The following CACNA2D3 variants were observed in gnomAD, a reference collection of about 807,000 sequenced individuals.
CACNA2D3 encodes the protein calcium voltage-gated channel auxiliary subunit alpha2delta 3.
CACNA2D3 carries 60 observed loss-of-function variants against 160.6 expected under a neutral mutation model. The observed-to-expected ratio is 0.37, with a 90% CI of 0.30 to 0.46. CACNA2D3 has a LOEUF of 0.46. Ranked by LOEUF, CACNA2D3 falls within the 20% of genes least tolerant of loss-of-function variation. The probability of loss-of-function intolerance (pLI) is 1.00; values close to 1 mark genes in which losing one functional copy is unlikely to be tolerated. For missense variants in CACNA2D3, 1,205 were observed against 1,365.0 expected (o/e 0.88, Z 1.85); for synonymous variants, 558 against 492.9 (o/e 1.13, Z -1.75).
chr3:54,862,819 G>T (rs139843004), intron 17 of CACNA2D3, among the ~76,000 whole-genome samples: 2 of 152,160 alleles, frequency 1.3e-5, no homozygotes, highest in Non-Finnish European at 1.5e-5. Flanking sequence ...ACATTTTGTA[G>T]TGTTGATGGA....
At chr3:54,260,614 C>T (rs1305995128) in intron 2 of CACNA2D3, among the ~76,000 whole-genome samples, 1 of 152,252 alleles carries the variant, frequency 6.6e-6, no homozygotes, top group Non-Finnish European at 1.5e-5. Flanking sequence ...ATTTCCAACA[C>T]ATGAGCTTCG....
At chr3:54,380,487 C>T (rs754344754) in intron 3 of CACNA2D3, among the ~76,000 whole-genome samples, 1 of 152,202 alleles carries the variant, frequency 6.6e-6, no homozygotes, top group Non-Finnish European at 1.5e-5. Context: ...ATCTGTGATC[C>T]CAGCACTTTG....
intron 31 of CACNA2D3, among the ~76,000 whole-genome samples, chr3:54,995,981 C>CCTGT (rs1702848561): frequency 6.6e-6 from 1 of 152,228 alleles, no homozygotes; most frequent in Admixed American, 6.5e-5. Context: ...CTTCTAACCA[C>CCTGT]CTGTCCGTGT....
intron 27 of CACNA2D3, chr3:54,927,862 T>C (rs1701068970): frequency 9.3e-6 from 15 of 1,610,282 alleles, no homozygotes; most frequent in Non-Finnish European, 1.3e-5. Flanking sequence ...ACCATCTTTC[T>C]CCCAGACAAG....
At chr3:54,509,336 C>T (rs972360958) in intron 5 of CACNA2D3, among the ~76,000 whole-genome samples, 6 of 151,978 alleles carry the variant, frequency 3.9e-5, no homozygotes, top group Non-Finnish European at 8.8e-5. Context: ...AGAGAGAGCA[C>T]ACGCACATAA....
chr3:54,832,031 A>G (rs1275606123), intron 14 of CACNA2D3, among the ~76,000 whole-genome samples: 2 of 148,698 alleles, frequency 1.3e-5, no homozygotes, highest in African/African-American at 5.0e-5. Flanking sequence ...ACACACACAC[A>G]CACACACACA....
chr3:54,981,813 C>A (rs567819579), intron 29 of CACNA2D3, among the ~76,000 whole-genome samples: 1 of 152,238 alleles, frequency 6.6e-6, no homozygotes, highest in African/African-American at 2.4e-5. Context: ...CTTGCCCCCC[C>A]ATTGGGTCCC....
chr3:54,788,925 A>G lies in CACNA2D3; in HGVS notation c.1380+24574A>G, dbSNP rs116630848. 4.3e-3 allele frequency among the ~76,000 whole-genome samples: 649 copies of G among 152,310 alleles called. 7 individuals carry two copies. The highest frequency in any genetic ancestry group is 0.015 in the African/African-American group (616 of 41,570). ...CAGAAATTCTTAGTACCTGGTATGT[A>G]GGAGACATTTAATAAGTTTTGTTGA... On this transcript the variant is annotated intron_variant, in intron 13 of 37. Transcript: ENST00000474759.
intron 6 of CACNA2D3, among the ~76,000 whole-genome samples, chr3:54,567,816 C>T (rs935857922): frequency 1.3e-5 from 2 of 152,200 alleles, no homozygotes; most frequent in Admixed American, 1.3e-4. Flanking sequence ...AGGCGTGAGC[C>T]ACTGTGCCTG....
intron 2 of CACNA2D3, among the ~76,000 whole-genome samples, chr3:54,137,693 G>T (rs1344114939): frequency 6.6e-6 from 1 of 152,158 alleles, no homozygotes; most frequent in Non-Finnish European, 1.5e-5. Flanking sequence ...TGCAGTGCAG[G>T]CTGGTATTTT....
At chr3:55,007,769 G>A (rs533058864) in intron 32 of CACNA2D3, 21 bp from the exon 33 acceptor site, 2 of 1,521,190 alleles carry the variant, frequency 1.3e-6, no homozygotes, top group Admixed American at 2.2e-5. Flanking sequence ...TGTTTTTAAT[G>A]AACTGAATTC....
chr3:54,187,174 G>A (rs1255755337), intron 2 of CACNA2D3, among the ~76,000 whole-genome samples: 1 of 152,210 alleles, frequency 6.6e-6, no homozygotes, highest in African/African-American at 2.4e-5. Context: ...GGTGACCTTG[G>A]AAGAGTCACT....
chr3:54,819,999 A>G (rs1490384744), intron 14 of CACNA2D3, among the ~76,000 whole-genome samples: 2 of 152,096 alleles, frequency 1.3e-5, no homozygotes, highest in Non-Finnish European at 2.9e-5. Context: ...TGCCTTTGAC[A>G]TTACCCATAG....
At chr3:54,243,905 C>T (rs1326657218) in intron 2 of CACNA2D3, among the ~76,000 whole-genome samples, 1 of 152,224 alleles carries the variant, frequency 6.6e-6, no homozygotes, top group Non-Finnish European at 1.5e-5. Context: ...AATTAGAATG[C>T]ATCTGCAGAC....
chr3:54,718,381 A>G (rs1701102483), intron 11 of CACNA2D3, among the ~76,000 whole-genome samples: 1 of 152,138 alleles, frequency 6.6e-6, no homozygotes, highest in Non-Finnish European at 1.5e-5. Context: ...TCACTATTAA[A>G]CTTTATTATT....
In CACNA2D3 at chr3:55,009,372, T is replaced by C. The variant is rs1703162291; in HGVS notation, c.2820-16T>C. On this transcript the variant is annotated splice_polypyrimidine_tract_variant and intron_variant, in intron 33 of 37. Transcript: ENST00000474759. ...GGATGACGAAGTAACATTGGGCTTT[T>C]CCACGATCTGTTTAGGTTCCTGGTG... 1 of 1,613,066 alleles carries C rather than the reference T, an allele frequency of 6.2e-7. No individual in the cohort carries two copies. The highest frequency in any genetic ancestry group is 1.3e-5 in the African/African-American group (1 of 74,924).
chr3:54,425,356 G>T (rs147287470), intron 4 of CACNA2D3, among the ~76,000 whole-genome samples: 41 of 150,912 alleles, frequency 2.7e-4, no homozygotes, highest in Admixed American at 8.5e-4. Context: ...AACAAACAAA[G>T]AAGTCAGAAA....
At chr3:54,260,843 A>C (rs777110949) in intron 2 of CACNA2D3, among the ~76,000 whole-genome samples, 46 of 152,236 alleles carry the variant, frequency 3.0e-4, no homozygotes, top group Non-Finnish European at 4.9e-4. Flanking sequence ...TTCAGCTCAG[A>C]TATCATCTCC....
intron 11 of CACNA2D3, among the ~76,000 whole-genome samples, chr3:54,749,211 T>C (rs1477373526): frequency 1.3e-5 from 2 of 152,214 alleles, no homozygotes; most frequent in African/African-American, 4.8e-5. Context: ...TAGAATTTTG[T>C]GCTACACAAA....
Sources: gnomAD v4.1 joint callset for allele counts (sites outside exome capture counted in the v4.1 genomes callset) on GRCh38, gnomAD v4.1.1 for gene constraint, MANE v1.5 for transcripts, NCBI Gene and HGNC (gene_info 2026-07-23, HGNC 2026-07-21) for gene names.